HERC2: variants seen among roughly 807,000 people sequenced by gnomAD.
HERC2 encodes HECT and RLD domain containing E3 ubiquitin protein ligase 2, also known as E3 ubiquitin-protein ligase HERC2.
Under a neutral mutation model 537.7 loss-of-function variants are expected in HERC2, and 102 were observed. The ratio of observed to expected loss-of-function variants is 0.19; its 90% CI spans 0.16 to 0.22. The LOEUF is 0.22. HERC2 is among the 10% of genes least tolerant of loss of function. The probability of loss-of-function intolerance (pLI) is 1.00; values close to 1 mark genes in which losing one functional copy is unlikely to be tolerated. For synonymous variants in HERC2, 2,224 were observed against 2,466.2 expected, an observed-to-expected ratio of 0.90 and a Z score of 2.91; for missense variants, 4,236 against 6,198.2, an observed-to-expected ratio of 0.68 and a Z score of 10.63.
chr15:28,280,042 G>A, intron 5 of HERC2, 26 bp downstream of exon 5: 1 of 1,557,244 alleles, frequency 6.4e-7, no homozygotes, highest in Non-Finnish European at 8.8e-7. Context: ...ACTGGCATCA[G>A]GATTCTTTCT....
intron 83 of HERC2, among the ~76,000 whole-genome samples, chr15:28,127,732 AG>A (rs1402238708): frequency 6.6e-6 from 1 of 152,156 alleles, no homozygotes; most frequent in Non-Finnish European, 1.5e-5. Flanking sequence ...TGCCAGAGCA[AG>A]GAAGTACTCC....
At chr15:28,224,979 C>T (rs372809346) in intron 35 of HERC2, among the ~76,000 whole-genome samples, 114 of 152,336 alleles carry the variant, frequency 7.5e-4, no homozygotes, top group African/African-American at 2.5e-3. Flanking sequence ...TTCTGTGCTG[C>T]GCCAAAAGCA....
intron 79 of HERC2, among the ~76,000 whole-genome samples, chr15:28,133,617 T>C (rs1471075660): frequency 6.6e-6 from 1 of 152,266 alleles, no homozygotes; most frequent in Non-Finnish European, 1.5e-5. Flanking sequence ...TGAATTAATG[T>C]TTGGATATGG....
chr15:28,190,885 A>C (rs1272876597), intron 55 of HERC2, 80 bp downstream of exon 55: 1 of 899,778 alleles, frequency 1.1e-6, no homozygotes, highest in Non-Finnish European at 1.9e-6. Flanking sequence ...AACTGGGCTC[A>C]ATGCTAGTAT....
At chr15:28,139,879 C>T (rs538340512) in intron 78 of HERC2, among the ~76,000 whole-genome samples, 38 of 145,766 alleles carry the variant, frequency 2.6e-4, no homozygotes, top group South Asian at 6.4e-4. Flanking sequence ...GCCAATATGG[C>T]GAAACCCCAT....
intron 2 of HERC2, among the ~76,000 whole-genome samples, chr15:28,318,119 C>CT (rs1461226223): frequency 4.6e-5 from 7 of 152,112 alleles, no homozygotes; most frequent in Non-Finnish European, 1.0e-4. Flanking sequence ...GAATAAAAAG[C>CT]TTTTAAGGTA....
intron 48 of HERC2, among the ~76,000 whole-genome samples, chr15:28,199,863 C>T (rs1341557066): frequency 1.3e-5 from 2 of 152,126 alleles, no homozygotes; most frequent in Admixed American, 1.3e-4. Context: ...AGGAAGCCAC[C>T]TCCAAATGCA....
intron 31 of HERC2, among the ~76,000 whole-genome samples, chr15:28,230,116 C>G (rs892869616): frequency 6.6e-6 from 1 of 152,096 alleles, no homozygotes; most frequent in Non-Finnish European, 1.5e-5. Context: ...GTTTCTGGAA[C>G]AAAGAATATA....
chr15:28,229,302 G>T lies in HERC2; in HGVS notation c.5165C>A (p.Pro1722His). ...DCLKDVDLIP[P>H]FNRMLLEVTF... is the part of the protein sequence containing the mutation. ...GACTTCCAGCAGCATCCGATTAAAA[G>T]GCGGGATCAAATCAACATCCTTTAA... Residue 1722 changes from proline to histidine, a missense_variant, in exon 34 of 93, where the codon CCT (proline) becomes CAT (histidine). Pro to His is a moderately conservative substitution (Grantham distance 77). Around this residue, in one of 27 missense-constraint regions of HERC2, gnomAD observed 343 missense variants for 417.2 expected, o/e 0.82. Coordinates refer to ENST00000261609, the MANE Select transcript of HERC2 (RefSeq NM_004667.6). The T allele has an allele frequency of 6.2e-7, 1 of 1,612,582 alleles. No individual in the cohort carries two copies. Among genetic ancestry groups the T allele is most frequent in the Non-Finnish European group, 8.5e-7 (1 of 1,178,620 alleles).
At chr15:28,181,502 T>C (rs1895815438) in intron 57 of HERC2, among the ~76,000 whole-genome samples, 1 of 152,224 alleles carries the variant, frequency 6.6e-6, no homozygotes, top group African/African-American at 2.4e-5. Context: ...TCTAACTTTA[T>C]TTCTCAGTTT....
intron 49 of HERC2, 42 bp downstream of exon 49, chr15:28,198,559 C>T (rs577572136): frequency 6.2e-7 from 1 of 1,608,758 alleles, no homozygotes; most frequent in South Asian, 1.1e-5. Flanking sequence ...GGAATTTTGT[C>T]TCTAAGAAAA....
intron 48 of HERC2, among the ~76,000 whole-genome samples, chr15:28,200,577 G>A (rs1220306447): frequency 6.6e-6 from 1 of 152,116 alleles, no homozygotes; most frequent in East Asian, 1.9e-4. Flanking sequence ...TAAGACAAGG[G>A]GGAACCACTC....
At position 28,184,115 on chromosome 15, in the gene HERC2, C is replaced by T. The variant is rs1203824756; in HGVS notation, c.8826-1603G>A. On this transcript the variant is annotated intron_variant, in intron 56 of 92. Coordinates refer to ENST00000261609, the MANE Select transcript of HERC2 (RefSeq NM_004667.6). ...CTGAGGTGGGAGAATCACTTGAGCC[C>T]GGGAGGCAGAGGTTGCAGTGAGCTG... 3.3e-5 allele frequency among the ~76,000 whole-genome samples: 5 copies of T among 151,822 alleles called. No homozygotes were observed. In the East Asian group the frequency reaches 5.8e-4, roughly 18 times the overall value.
At chr15:28,256,593 C>T (rs564202289) in intron 17 of HERC2, among the ~76,000 whole-genome samples, 1 of 152,266 alleles carries the variant, frequency 6.6e-6, no homozygotes, top group Non-Finnish European at 1.5e-5. Flanking sequence ...CCACCCCGCG[C>T]CAACAATCTG....
At chr15:28,318,219 C>T (rs552495800) in intron 2 of HERC2, among the ~76,000 whole-genome samples, 51 of 152,242 alleles carry the variant, frequency 3.3e-4, no homozygotes, top group African/African-American at 1.2e-3. Flanking sequence ...AGTACTTTCA[C>T]TGTAAAAATA....
At chr15:28,246,395 A>T (rs1903709395) in intron 22 of HERC2, among the ~76,000 whole-genome samples, 1 of 152,202 alleles carries the variant, frequency 6.6e-6, no homozygotes, top group Non-Finnish European at 1.5e-5. Context: ...TCAAAAAGTT[A>T]AAACATACCA....
intron 4 of HERC2, among the ~76,000 whole-genome samples, chr15:28,287,716 CCT>C (rs2076194349): frequency 7.1e-6 from 1 of 141,004 alleles, no homozygotes; most frequent in South Asian, 2.3e-4. Flanking sequence ...TATACTTATT[CCT>C]CTTTTTTTTT....
At chr15:28,227,433 C>A (rs1164413890) in intron 35 of HERC2, among the ~76,000 whole-genome samples, 1 of 148,610 alleles carries the variant, frequency 6.7e-6, no homozygotes, top group Non-Finnish European at 1.5e-5. Context: ...CACCACTTCA[C>A]ACCCACTACG....
At position 28,176,487 on chromosome 15, in the gene HERC2, C is replaced by A. The variant is rs1895304227; in HGVS notation, c.9627G>T (p.Gln3209His). The A allele has an allele frequency of 1.2e-6, 2 of 1,614,096 alleles. No homozygotes were observed. The highest frequency in any genetic ancestry group is 1.7e-6 in the Non-Finnish European group (2 of 1,180,048). The stretch of plus-strand genomic sequence containing the variant: ...GGGAGAACTGAGCTCCACACTCAAT[C>A]TGGCACACCCCCTGTCCATTTAGTC... Reference protein sequence around the residue: ...IERLNGQGVCQIECGAQFSLA... With the variant: ...IERLNGQGVCHIECGAQFSLA... The change falls in exon 63 of 93, where the codon CAG becomes CAT. Residue 3209 changes from glutamine (Q) to histidine (H), a missense_variant. Gln to His is a conservative substitution (Grantham distance 24). This residue lies in a region of HERC2 where 93 missense variants were observed against 265.1 expected (regional missense o/e 0.35). Coordinates refer to ENST00000261609, the MANE Select transcript of HERC2 (RefSeq NM_004667.6). This position sits in a 1 kb window ranked among gnomAD's most constrained non-coding sequence, Gnocchi z 5.0.
Sources: gnomAD v4.1 joint callset for allele counts (sites outside exome capture counted in the v4.1 genomes callset) on GRCh38, gnomAD v4.1.1 for gene constraint, gnomAD v4.1.1 regional missense constraint, Gnocchi (gnomAD v3.1) non-coding constraint, MANE v1.5 for transcripts, NCBI Gene and HGNC (gene_info 2026-07-23, HGNC 2026-07-21) for gene names.